GRIN2B: variants seen among roughly 807,000 people sequenced by gnomAD.
The protein encoded by GRIN2B is glutamate ionotropic receptor NMDA type subunit 2B.
Under a neutral mutation model 114.5 loss-of-function variants are expected in GRIN2B, and 5 were observed. That is an observed-to-expected ratio of 0.04 (90% CI 0.02 to 0.09). GRIN2B has a LOEUF of 0.09. Ranked by LOEUF, GRIN2B falls within the 10% of genes least tolerant of loss-of-function variation. The pLI is 1.00. For missense variants in GRIN2B, 1,108 were observed against 1,943.5 expected (o/e 0.57, Z 8.08); for synonymous variants, 787 against 745.1 (o/e 1.06, Z -0.92).
chr12:13,581,897 G>A (rs886790551), intron 10 of GRIN2B, among the ~76,000 whole-genome samples: 12 of 131,302 alleles, frequency 9.1e-5, no homozygotes, highest in African/African-American at 3.1e-4. Flanking sequence ...GTGACAGAGT[G>A]AGACTTTGTC....
chr12:13,867,048 T>A (rs993689542), intron 2 of GRIN2B, among the ~76,000 whole-genome samples: 2 of 150,646 alleles, frequency 1.3e-5, no homozygotes, highest in African/African-American at 4.9e-5. Flanking sequence ...TGGAACTGCC[T>A]CTCATATAAC....
intron 3 of GRIN2B, among the ~76,000 whole-genome samples, chr12:13,855,487 G>T (rs61573126): frequency 0.01 from 1,531 of 152,268 alleles, 28 homozygotes; most frequent in African/African-American, 0.036. Flanking sequence ...TTCTCTCACA[G>T]TTCTGAAGGC....
At chr12:13,590,108 T>C (rs1948985988) in intron 10 of GRIN2B, among the ~76,000 whole-genome samples, 2 of 152,104 alleles carry the variant, frequency 1.3e-5, no homozygotes, top group African/African-American at 4.8e-5. Flanking sequence ...CTGAGAGAGC[T>C]TGAAGTAGAA....
At chr12:13,975,885 C>T (rs1036633412) in intron 2 of GRIN2B, among the ~76,000 whole-genome samples, 1 of 152,172 alleles carries the variant, frequency 6.6e-6, no homozygotes, top group Non-Finnish European at 1.5e-5. Context: ...AGAGTTTCAC[C>T]AAGGGGACAA....
intron 5 of GRIN2B, among the ~76,000 whole-genome samples, chr12:13,653,763 T>C (rs1191966664): frequency 1.3e-5 from 2 of 152,088 alleles, no homozygotes; most frequent in Admixed American, 1.3e-4. Context: ...TCTTCAAGTG[T>C]ATATGGTGGG....
chr12:13,822,545 G>C (rs1864958958), intron 3 of GRIN2B, among the ~76,000 whole-genome samples: 1 of 152,024 alleles, frequency 6.6e-6, no homozygotes, highest in South Asian at 2.1e-4. Context: ...AAGAAATGAA[G>C]GTAGGGGGTA....
chr12:13,670,910 C>T (rs1417089479), intron 5 of GRIN2B, among the ~76,000 whole-genome samples: 1 of 152,062 alleles, frequency 6.6e-6, no homozygotes, highest in African/African-American at 2.4e-5. Flanking sequence ...CATAGGATCC[C>T]ATTAAAGGTT....
intron 4 of GRIN2B, among the ~76,000 whole-genome samples, chr12:13,733,296 GT>G (rs5796558): frequency 0.42 from 61,441 of 146,478 alleles, 12,719 homozygotes; most frequent in African/African-American, 0.48. Context: ...ATGGTTTCAA[GT>G]TTTTTTTTTT....
chr12:13,796,467 G>A (rs968305911), intron 3 of GRIN2B, among the ~76,000 whole-genome samples: 19 of 152,148 alleles, frequency 1.2e-4, no homozygotes, highest in Non-Finnish European at 2.4e-4. Context: ...CTATAGCTTG[G>A]GTTTACAAAT....
intron 3 of GRIN2B, among the ~76,000 whole-genome samples, chr12:13,862,502 T>G (rs1865766696): frequency 1.3e-5 from 2 of 152,182 alleles, no homozygotes; most frequent in African/African-American, 4.8e-5. Context: ...CTATGAGCCT[T>G]CAGTGTGGCC....
intron 10 of GRIN2B, among the ~76,000 whole-genome samples, chr12:13,579,940 G>A (rs550687773): frequency 5.3e-5 from 8 of 152,326 alleles, no homozygotes; most frequent in East Asian, 3.9e-4. Flanking sequence ...GCGATGGGGC[G>A]TTAACATCAA....
chr12:13,880,107 C>T (rs1156490147), intron 2 of GRIN2B, among the ~76,000 whole-genome samples: 1 of 152,172 alleles, frequency 6.6e-6, no homozygotes, highest in African/African-American at 2.4e-5. Flanking sequence ...CTGTCAGGGC[C>T]GCAGAGAGGG....
At chr12:13,949,284 G>T (rs902353352) in intron 2 of GRIN2B, among the ~76,000 whole-genome samples, 2 of 152,180 alleles carry the variant, frequency 1.3e-5, no homozygotes, top group African/African-American at 4.8e-5. Flanking sequence ...AATCTCAGAA[G>T]ATTCTGGTTG....
chr12:13,810,515 T>A (rs1864709366), intron 3 of GRIN2B, among the ~76,000 whole-genome samples: 1 of 152,206 alleles, frequency 6.6e-6, no homozygotes, highest in Non-Finnish European at 1.5e-5. Flanking sequence ...TTTGTGAATA[T>A]GCTCATGACC....
At chr12:13,648,371 C>CT (rs1949782894) in intron 5 of GRIN2B, among the ~76,000 whole-genome samples, 1 of 151,912 alleles carries the variant, frequency 6.6e-6, no homozygotes, top group African/African-American at 2.4e-5. Flanking sequence ...ACATTAATAA[C>CT]TAAACAACCT....
chr12:13,563,896 G>C lies in GRIN2B; in HGVS notation c.3342C>G (p.Pro1114=). 6.2e-7 allele frequency: 1 copy of C among 1,614,132 alleles called. No individual in the cohort carries two copies. Residue 1114 remains proline (P), a synonymous_variant, in exon 14 of 14, where the codon CCC becomes CCG. Coordinates refer to ENST00000609686, the MANE Select transcript of GRIN2B (RefSeq NM_000834.5). The part of the protein sequence containing the change: ...EIELAYRRRP[P]RSPDHKRYFR... The stretch of plus-strand genomic sequence containing the variant: ...AGTAGCGCTTGTGGTCAGGGGAGCG[G>C]GGCGGTCGGCGACGGTAGGCCAGCT...
In GRIN2B at chr12:13,896,317, A is replaced by G. The variant is rs543768698; in HGVS notation, c.-18-30091T>C. On this transcript the variant is annotated intron_variant, in intron 2 of 13. Transcript: ENST00000609686. ...GGATGAGCTTGGCTATGACAAGTCCACGGAGGATTGTAATTAAAGATCAAG... is the reference window on the plus strand; with the variant it reads ...GGATGAGCTTGGCTATGACAAGTCCGCGGAGGATTGTAATTAAAGATCAAG... Among the ~76,000 whole-genome samples, 27 of 152,292 alleles carry G rather than the reference A, an allele frequency of 1.8e-4. No homozygotes were observed. The South Asian group carries it at 4.1e-3, about 23-fold the overall frequency.
chr12:13,943,906 T>G (rs1398742101), intron 2 of GRIN2B, among the ~76,000 whole-genome samples: 2 of 152,192 alleles, frequency 1.3e-5, no homozygotes, highest in African/African-American at 4.8e-5. Flanking sequence ...GGCAGTGACC[T>G]GGTCTCGCCT....
intron 10 of GRIN2B, among the ~76,000 whole-genome samples, chr12:13,584,008 G>C (rs539216583): frequency 1.3e-5 from 2 of 152,242 alleles, no homozygotes; most frequent in Admixed American, 6.5e-5. Flanking sequence ...TAATGGGAGG[G>C]ATAAATGAAA....
Sources: allele counts gnomAD v4.1 joint callset (sites outside exome capture counted in the v4.1 genomes callset), GRCh38; gene constraint gnomAD v4.1.1; transcripts MANE v1.5; gene names NCBI Gene and HGNC (gene_info 2026-07-23, HGNC 2026-07-21).